The following PKNOX2 variants were observed in gnomAD, a reference collection of about 807,000 sequenced individuals.
The protein encoded by PKNOX2 is homeobox protein PKNOX2.
PKNOX2 carries 14 observed loss-of-function variants against 53.1 expected under a neutral mutation model. The ratio of observed to expected loss-of-function variants is 0.26; its 90% CI spans 0.17 to 0.41. PKNOX2 has a LOEUF of 0.41. Among genes scored for constraint, PKNOX2 ranks in the 10% least tolerant of loss-of-function variants. The pLI is 1.00. For missense variants in PKNOX2, 496 were observed against 602.8 expected (o/e 0.82, Z 1.85); for synonymous variants, 257 against 242.8 (o/e 1.06, Z -0.54).
In PKNOX2 at chr11:125,294,709, C is replaced by T. The variant is rs180737550; in HGVS notation, c.-129-37110C>T. On this transcript the variant is annotated intron_variant, in intron 2 of 12. Coordinates refer to ENST00000298282, the MANE Select transcript of PKNOX2 (RefSeq NM_001382323.2). ...AGTCTGCTCCTCACTAGCTCCATGA[C>T]TTCCAGTAGTCAGGCTTATGAAGAG... Among the ~76,000 whole-genome samples the T allele has an allele frequency of 2.8e-4, 43 of 152,346 alleles. No homozygotes were observed. In the East Asian group the frequency reaches 8.1e-3, roughly 29 times the overall value.
chr11:125,289,089 A>G (rs527964558), intron 2 of PKNOX2, among the ~76,000 whole-genome samples: 1 of 152,360 alleles, frequency 6.6e-6, no homozygotes, highest in South Asian at 2.1e-4. Context: ...AGTCTCTCCT[A>G]GGTGCTGCGG....
intron 4 of PKNOX2, among the ~76,000 whole-genome samples, chr11:125,364,783 C>T (rs1445580470): frequency 3.3e-5 from 5 of 152,328 alleles, no homozygotes; most frequent in Admixed American, 6.5e-5. Context: ...TCGAGCCTCA[C>T]ACCAGCGCTG....
intron 3 of PKNOX2, among the ~76,000 whole-genome samples, chr11:125,342,165 C>CT (rs140732508): frequency 1.9e-3 from 281 of 144,132 alleles, no homozygotes; most frequent in East Asian, 2.4e-3. Context: ...TGACTCTTGA[C>CT]TTTTTTTTTT....
At chr11:125,330,695 C>CACACAT (rs1351139703) in intron 2 of PKNOX2, among the ~76,000 whole-genome samples, 33 of 152,178 alleles carry the variant, frequency 2.2e-4, no homozygotes, top group Non-Finnish European at 1.9e-4. Flanking sequence ...CACACACAAA[C>CACACAT]ACACATACAC....
At chr11:125,345,142 C>A (rs1950901986) in intron 3 of PKNOX2, among the ~76,000 whole-genome samples, 1 of 152,168 alleles carries the variant, frequency 6.6e-6, no homozygotes, top group African/African-American at 2.4e-5. Context: ...CTTTCAGCAC[C>A]CACAGTCCCT....
chr11:125,374,154 C>G (rs536715457), intron 5 of PKNOX2, among the ~76,000 whole-genome samples: 1 of 152,280 alleles, frequency 6.6e-6, no homozygotes, highest in South Asian at 2.1e-4. Flanking sequence ...GAAGTTGACC[C>G]TGGGGCTTAA....
rs11825330 is a variant in PKNOX2, at chr11:125,352,469, G to A, written c.87+1077G>A. Among the ~76,000 whole-genome samples, 3,921 of 152,198 alleles carry A rather than the reference G, an allele frequency of 0.026. 176 individuals carry two copies. The highest frequency in any genetic ancestry group is 0.089 in the African/African-American group (3,687 of 41,496). ...CTCATTGGCATTTTCAAACACAGTG[G>A]TTCTCATGGGCCACACGGAAGATTT... On this transcript the variant is annotated intron_variant, in intron 4 of 12. Coordinates refer to ENST00000298282, the MANE Select transcript of PKNOX2 (RefSeq NM_001382323.2). This position sits in a 1 kb window ranked among gnomAD's most constrained non-coding sequence, Gnocchi z 4.1.
intron 5 of PKNOX2, among the ~76,000 whole-genome samples, chr11:125,372,938 T>A (rs555377765): frequency 3.9e-5 from 6 of 152,350 alleles, no homozygotes; most frequent in Admixed American, 6.5e-5. Context: ...TATAATGCAC[T>A]TGTTTCTGTC....
intron 4 of PKNOX2, among the ~76,000 whole-genome samples, chr11:125,361,049 T>C (rs1951898461): frequency 6.6e-6 from 1 of 152,202 alleles, no homozygotes; most frequent in Non-Finnish European, 1.5e-5. Flanking sequence ...TAGACTTCTC[T>C]TTTGTGACCT....
At position 125,431,302 on chromosome 11, in the gene PKNOX2, G is replaced by C. The variant is rs1208138365; in HGVS notation, c.1329G>C (p.Glu443Asp). The change falls in exon 13 of 13, where the codon GAG becomes GAC. Residue 443 changes from glutamate to aspartate, a missense_variant. Glu to Asp is a conservative substitution (Grantham distance 45). Transcript: ENST00000298282. ...AGGATGAGGATGAGATGGAAGAGGA[G>C]GAGGAGGAGGAGCTGGAGGAGGAGG... ...EEEDEDEMEEEEEEELEEEVD... is the reference protein window; with the variant it reads ...EEEDEDEMEEDEEEELEEEVD... 15 of 1,607,482 alleles carry C rather than the reference G, an allele frequency of 9.3e-6. No homozygotes were observed. Among genetic ancestry groups the C allele is most frequent in the Non-Finnish European group, 1.3e-5 (15 of 1,175,054 alleles).
intron 7 of PKNOX2, among the ~76,000 whole-genome samples, chr11:125,409,299 G>T (rs977036912): frequency 8.5e-5 from 13 of 152,214 alleles, no homozygotes; most frequent in African/African-American, 2.7e-4. Context: ...AACTAGGAAT[G>T]GTGAGGAGAG....
At chr11:125,173,564 C>T (rs549327290) in intron 1 of PKNOX2, among the ~76,000 whole-genome samples, 33 of 152,344 alleles carry the variant, frequency 2.2e-4, no homozygotes, top group Non-Finnish European at 3.8e-4. Context: ...GAATCTTTGG[C>T]AAATGCTGGG....
intron 10 of PKNOX2, 99 bp from the exon 11 acceptor site, chr11:125,428,913 T>G: frequency 7.7e-7 from 1 of 1,304,670 alleles, no homozygotes. Context: ...CCACTCGGGC[T>G]GCCTGGCTCA....
chr11:125,305,291 C>G (rs77224125), intron 2 of PKNOX2, among the ~76,000 whole-genome samples: 1 of 152,304 alleles, frequency 6.6e-6, no homozygotes, highest in East Asian at 1.9e-4. Context: ...CACAGCCAGG[C>G]AAACTATTAT....
At chr11:125,271,610 G>A (rs987748086) in intron 2 of PKNOX2, among the ~76,000 whole-genome samples, 8 of 152,184 alleles carry the variant, frequency 5.3e-5, no homozygotes, top group Non-Finnish European at 1.2e-4. Flanking sequence ...CTCAGTTCCT[G>A]TGTTCCAGAA....
intron 2 of PKNOX2, among the ~76,000 whole-genome samples, chr11:125,314,385 A>T (rs1949020533): frequency 1.3e-5 from 2 of 150,754 alleles, no homozygotes; most frequent in Non-Finnish European, 1.5e-5. Flanking sequence ...TGGGTCAGGG[A>T]GGGGAGACCT....
intron 2 of PKNOX2, among the ~76,000 whole-genome samples, chr11:125,299,267 C>T (rs1277153119): frequency 1.3e-5 from 2 of 152,158 alleles, no homozygotes; most frequent in Non-Finnish European, 2.9e-5. Context: ...GAACACCTCC[C>T]GCCCAGCCCC....
rs1052647035 is a variant in PKNOX2 at position 125,240,722 on chromosome 11, G to A, written c.-130+5607G>A. 1.7e-4 allele frequency among the ~76,000 whole-genome samples: 26 copies of A among 152,134 alleles called. 1 individual carries two copies. The highest frequency in any genetic ancestry group is 2.4e-4 in the African/African-American group (10 of 41,434). ...TTCTCAAATCCTCAGAGGGAGAACC[G>A]GGAGGCTTATAAGAAGGTTCTGAAG... On this transcript the variant is annotated intron_variant, in intron 2 of 12. Coordinates refer to ENST00000298282, the MANE Select transcript of PKNOX2 (RefSeq NM_001382323.2). The surrounding 1 kb of genome is among the most constrained non-coding windows in gnomAD (Gnocchi z 4.3).
intron 2 of PKNOX2, among the ~76,000 whole-genome samples, chr11:125,269,237 C>T (rs1205730520): frequency 2.6e-5 from 4 of 152,142 alleles, no homozygotes; most frequent in African/African-American, 9.7e-5. Flanking sequence ...GATTTGTTCT[C>T]AAGATGTCCC....
Sources: gnomAD v4.1 joint callset for allele counts (sites outside exome capture counted in the v4.1 genomes callset) on GRCh38, gnomAD v4.1.1 for gene constraint, Gnocchi (gnomAD v3.1) non-coding constraint, MANE v1.5 for transcripts, NCBI Gene and HGNC (gene_info 2026-07-23, HGNC 2026-07-21) for gene names.